The following RUNX1 variants were observed in gnomAD, a reference collection of about 807,000 sequenced individuals.
The protein encoded by RUNX1 is RUNX family transcription factor 1.
RUNX1 carries 19 observed loss-of-function variants against 42.8 expected under a neutral mutation model. The observed-to-expected ratio is 0.44, with a 90% CI of 0.31 to 0.65. RUNX1 has a LOEUF of 0.65. Ranked by LOEUF, RUNX1 falls within the 30% of genes least tolerant of loss-of-function variation. The pLI, the probability that RUNX1 is intolerant of heterozygous loss-of-function variation, is 0.07. For synonymous variants in RUNX1, 271 were observed against 289.4 expected (o/e 0.94, Z 0.64); for missense variants, 528 against 672.0 (o/e 0.79, Z 2.37).
At chr21:34,824,927 A>G (rs78744648) in intron 7 of RUNX1, among the ~76,000 whole-genome samples, 7,440 of 152,320 alleles carry the variant, frequency 0.049, 495 homozygotes, top group African/African-American at 0.15. Context: ...TAGCTTTCTA[A>G]GTAGAGCTGT....
chr21:34,913,860 A>G (rs1453821939), intron 2 of RUNX1, among the ~76,000 whole-genome samples: 1 of 152,222 alleles, frequency 6.6e-6, no homozygotes, highest in African/African-American at 2.4e-5. Flanking sequence ...GAGACTCTAA[A>G]AATATGCCTC....
intron 2 of RUNX1, among the ~76,000 whole-genome samples, chr21:35,001,284 T>C (rs1296803303): frequency 7.9e-6 from 1 of 126,790 alleles, no homozygotes; most frequent in Non-Finnish European, 1.7e-5. Flanking sequence ...GTTTTTGGCC[T>C]ATTATTTTTT....
intron 2 of RUNX1, among the ~76,000 whole-genome samples, chr21:34,939,637 C>T (rs2058511959): frequency 6.6e-6 from 1 of 152,086 alleles, no homozygotes; most frequent in Non-Finnish European, 1.5e-5. Context: ...CAAAAATCCC[C>T]CCACTGCAAC....
At chr21:34,903,926 C>G (rs528196907) in intron 2 of RUNX1, among the ~76,000 whole-genome samples, 1 of 151,986 alleles carries the variant, frequency 6.6e-6, no homozygotes, top group African/African-American at 2.4e-5. Flanking sequence ...TCTCTAATTA[C>G]GTAATTATAT....
chr21:35,031,646 G>A (rs2059274201), intron 2 of RUNX1, among the ~76,000 whole-genome samples: 1 of 152,004 alleles, frequency 6.6e-6, no homozygotes, highest in Non-Finnish European at 1.5e-5. Flanking sequence ...AATGAATAAA[G>A]AAACTGTGAT....
At chr21:34,859,610 T>A (rs1377280359) in intron 5 of RUNX1, 32 bp from the exon 6 acceptor site, 1 of 1,527,426 alleles carries the variant, frequency 6.5e-7, no homozygotes, top group Admixed American at 1.7e-5. Flanking sequence ...CAAAACAGAA[T>A]GAGGTTGGTG....
At chr21:35,030,853 A>G (rs1938099441) in intron 2 of RUNX1, among the ~76,000 whole-genome samples, 1 of 152,262 alleles carries the variant, frequency 6.6e-6, no homozygotes, top group African/African-American at 2.4e-5. Context: ...TCCAAACTAC[A>G]TAAAGAACTC....
intron 2 of RUNX1, among the ~76,000 whole-genome samples, chr21:34,944,636 T>G (rs2058551723): frequency 6.6e-6 from 1 of 152,206 alleles, no homozygotes; most frequent in African/African-American, 2.4e-5. Context: ...GAGGAGAGCC[T>G]GTCGTCTCCT....
At chr21:34,797,483 A>G (rs1335792018) in intron 8 of RUNX1, among the ~76,000 whole-genome samples, 2 of 152,236 alleles carry the variant, frequency 1.3e-5, no homozygotes, top group African/African-American at 4.8e-5. Context: ...TGACCAAGTC[A>G]AAAGACTTAT....
At chr21:35,045,629 G>T (rs988446011) in intron 2 of RUNX1, among the ~76,000 whole-genome samples, 4 of 152,016 alleles carry the variant, frequency 2.6e-5, no homozygotes, top group African/African-American at 9.7e-5. Flanking sequence ...CCGACACCTT[G>T]ATCTCACACC....
At chr21:34,863,218 G>A (rs190900988) in intron 5 of RUNX1, among the ~76,000 whole-genome samples, 1 of 152,264 alleles carries the variant, frequency 6.6e-6, no homozygotes, top group African/African-American at 2.4e-5. Flanking sequence ...TGTTCTTCCG[G>A]TTATTATCCC....
At chr21:35,035,342 A>G in intron 2 of RUNX1, among the ~76,000 whole-genome samples, 1 of 152,184 alleles carries the variant, frequency 6.6e-6, no homozygotes, top group Non-Finnish European at 1.5e-5. Flanking sequence ...ACAGGCTCTC[A>G]GACCCCACAG....
At chr21:34,823,948 GA>G (rs1374034819) in intron 7 of RUNX1, among the ~76,000 whole-genome samples, 1 of 152,134 alleles carries the variant, frequency 6.6e-6, no homozygotes, top group Non-Finnish European at 1.5e-5. Context: ...ATCAGAATTG[GA>G]AGACACTTTT....
At chr21:34,825,506 T>C (rs2056974111) in intron 7 of RUNX1, among the ~76,000 whole-genome samples, 1 of 152,202 alleles carries the variant, frequency 6.6e-6, no homozygotes, top group African/African-American at 2.4e-5. Context: ...AAACAAATGA[T>C]GGACTGAGGT....
Position 35,040,936 on chromosome 21 carries a change from T to G in RUNX1, c.58+7906A>C, listed in dbSNP as rs925288964. Among the ~76,000 whole-genome samples the G allele has an allele frequency of 5.9e-5, 9 of 152,278 alleles. No individual in the cohort carries two copies. The South Asian group carries it at 1.7e-3, about 28-fold the overall frequency. ...CTGCAAGATTTTCTGGGTCTTTCTT[T>G]AGGATCTACTAACAATGAAAAACAT... On this transcript the variant is annotated intron_variant, in intron 2 of 8. Coordinates refer to ENST00000675419, the MANE Select transcript of RUNX1 (RefSeq NM_001754.5).
intron 6 of RUNX1, among the ~76,000 whole-genome samples, chr21:34,853,596 T>G (rs138310248): frequency 6.6e-6 from 1 of 152,208 alleles, no homozygotes; most frequent in African/African-American, 2.4e-5. Flanking sequence ...CCTGTTCTTT[T>G]GAAGATTATA....
chr21:34,958,189 C>T (rs937828184), intron 2 of RUNX1, among the ~76,000 whole-genome samples: 6 of 152,130 alleles, frequency 3.9e-5, no homozygotes, highest in African/African-American at 7.2e-5. Context: ...GTAGACAACA[C>T]GGGACTCCAA....
intron 2 of RUNX1, among the ~76,000 whole-genome samples, chr21:34,990,282 T>C (rs2242878): frequency 0.85 from 129,081 of 152,210 alleles, 55,165 homozygotes; most frequent in African/African-American, 0.96. Flanking sequence ...AATGAGTTTG[T>C]TTGTGATGCA....
chr21:35,000,657 C>T (rs1309678402), intron 2 of RUNX1, among the ~76,000 whole-genome samples: 1 of 152,180 alleles, frequency 6.6e-6, no homozygotes, highest in Non-Finnish European at 1.5e-5. Flanking sequence ...TATTCATGTT[C>T]CCATAGTTGA....
Sources: allele counts gnomAD v4.1 joint callset (sites outside exome capture counted in the v4.1 genomes callset), GRCh38; gene constraint gnomAD v4.1.1; transcripts MANE v1.5; gene names NCBI Gene and HGNC (gene_info 2026-07-23, HGNC 2026-07-21).